DIS3L2: variants seen among roughly 807,000 people sequenced by gnomAD.
DIS3L2 encodes DIS3-like exonuclease 2.
In DIS3L2, 34 loss-of-function variants were observed where a neutral mutation model predicts 97.5. The observed-to-expected ratio is 0.35, with a 90% confidence interval of 0.27 to 0.46. The LOEUF (loss-of-function observed/expected upper bound fraction) is 0.46. Among genes scored for constraint, DIS3L2 ranks in the 20% least tolerant of loss-of-function variants. The probability of loss-of-function intolerance (pLI) is 1.00; values close to 1 mark genes in which losing one functional copy is unlikely to be tolerated. For missense variants in DIS3L2, 1,038 were observed against 1,146.0 expected (o/e 0.91, Z 1.36); for synonymous variants, 435 against 445.2 (o/e 0.98, Z 0.29).
intron 1 of DIS3L2, among the ~76,000 whole-genome samples, chr2:231,995,397 G>A (rs1261257851): frequency 6.6e-6 from 1 of 152,172 alleles, no homozygotes; most frequent in Non-Finnish European, 1.5e-5. Context: ...TGAATGTTCA[G>A]AGGAGACTTT....
chr2:231,996,604 T>C (rs1453964032), intron 1 of DIS3L2, among the ~76,000 whole-genome samples: 1 of 152,186 alleles, frequency 6.6e-6, no homozygotes, highest in African/African-American at 2.4e-5. Flanking sequence ...TAACCCAAAT[T>C]TAGTATTTTT....
chr2:232,006,472 G>C (rs1361292347), intron 1 of DIS3L2, among the ~76,000 whole-genome samples: 1 of 152,158 alleles, frequency 6.6e-6, no homozygotes, highest in Non-Finnish European at 1.5e-5. Context: ...TTGCTGCCCA[G>C]GGATGATAAT....
intron 1 of DIS3L2, among the ~76,000 whole-genome samples, chr2:231,973,321 T>C (rs1485981499): frequency 2.0e-5 from 3 of 152,088 alleles, no homozygotes; most frequent in Non-Finnish European, 2.9e-5. Context: ...TGTAGAAGCC[T>C]TGAAAGAAAG....
chr2:232,106,851 C>T (rs866152036), intron 6 of DIS3L2, among the ~76,000 whole-genome samples: 6 of 152,160 alleles, frequency 3.9e-5, no homozygotes, highest in East Asian at 3.8e-4. Context: ...ATCACGTAAT[C>T]GGAAGTAAAA....
chr2:232,310,358 G>A (rs1695090818), intron 14 of DIS3L2, among the ~76,000 whole-genome samples: 1 of 152,210 alleles, frequency 6.6e-6, no homozygotes, highest in Admixed American at 6.5e-5. Flanking sequence ...TCACAGTGCA[G>A]GTGTGAGCTC....
At chr2:232,056,178 C>A (rs912909328) in intron 5 of DIS3L2, among the ~76,000 whole-genome samples, 1 of 152,028 alleles carries the variant, frequency 6.6e-6, no homozygotes, top group African/African-American at 2.4e-5. Flanking sequence ...GGAGACCAGC[C>A]TGGCCAACAT....
chr2:231,986,081 G>T (rs1182491958), intron 1 of DIS3L2, among the ~76,000 whole-genome samples: 1 of 152,174 alleles, frequency 6.6e-6, no homozygotes, highest in Non-Finnish European at 1.5e-5. Context: ...GGGTTCTTCC[G>T]CCTTTGCACT....
intron 7 of DIS3L2, chr2:232,131,097 A>G (rs180674895): frequency 2.1e-4 from 38 of 181,996 alleles, no homozygotes; most frequent in African/African-American, 2.3e-4. Context: ...TTTTGCTCCA[A>G]TTTTTTTGTT....
chr2:232,323,979 C>T (rs1318325754), intron 14 of DIS3L2, among the ~76,000 whole-genome samples: 1 of 152,194 alleles, frequency 6.6e-6, no homozygotes, highest in African/African-American at 2.4e-5. Flanking sequence ...ATCTCTTCCA[C>T]TTTCCCTCCC....
intron 6 of DIS3L2, among the ~76,000 whole-genome samples, chr2:232,122,373 C>G (rs940135355): frequency 6.6e-6 from 1 of 152,102 alleles, no homozygotes; most frequent in Non-Finnish European, 1.5e-5. Context: ...TCCTGTATAC[C>G]AGTCCTGTCC....
intron 1 of DIS3L2, among the ~76,000 whole-genome samples, chr2:232,001,221 C>G (rs981239933): frequency 1.3e-5 from 2 of 152,044 alleles, no homozygotes; most frequent in African/African-American, 2.4e-5. Flanking sequence ...CACTTGTTAT[C>G]TTTTGTGTTT....
intron 13 of DIS3L2, among the ~76,000 whole-genome samples, chr2:232,277,187 G>A (rs1465719677): frequency 3.9e-5 from 6 of 152,206 alleles, no homozygotes; most frequent in Admixed American, 1.3e-4. Flanking sequence ...GATCAGCCTA[G>A]GCATGGTGGT....
At chr2:232,305,773 G>T (rs1694973197) in intron 14 of DIS3L2, among the ~76,000 whole-genome samples, 1 of 152,050 alleles carries the variant, frequency 6.6e-6, no homozygotes, top group African/African-American at 2.4e-5. Flanking sequence ...TGGCCAACAT[G>T]GTGAAACCCT....
At chr2:232,147,353 TCTC>T (rs1193626447) in intron 8 of DIS3L2, among the ~76,000 whole-genome samples, 14 of 152,154 alleles carry the variant, frequency 9.2e-5, no homozygotes, top group Admixed American at 2.6e-4. Flanking sequence ...CTGCCCCTTC[TCTC>T]CTCCTCCAAA....
At chr2:232,093,032 A>G (rs1428983649) in intron 6 of DIS3L2, among the ~76,000 whole-genome samples, 3 of 152,166 alleles carry the variant, frequency 2.0e-5, no homozygotes, top group Non-Finnish European at 4.4e-5. Flanking sequence ...GGTCTGTCCT[A>G]TGCAGCTTTT....
intron 1 of DIS3L2, among the ~76,000 whole-genome samples, chr2:231,964,528 A>G (rs1204987466): frequency 6.6e-6 from 1 of 152,222 alleles, no homozygotes. Flanking sequence ...AATGAGCTGT[A>G]CTAAGAAAAC....
chr2:232,087,622 G>T lies in DIS3L2; in HGVS notation c.502G>T (p.Ala168Ser), dbSNP rs1553606126. The T allele has an allele frequency of 2.5e-6, 4 of 1,614,134 alleles. No homozygotes were observed. In the South Asian group the frequency reaches 4.4e-5, roughly 18 times the overall value. Residue 168 changes from alanine (A) to serine (S), a missense_variant, in exon 6 of 21, where the codon GCT becomes TCT. By Grantham distance (99) the Ala-to-Ser change is moderately conservative. Coordinates refer to ENST00000325385, the MANE Select transcript of DIS3L2 (RefSeq NM_152383.5). ...YNDSPDVIVEAQFDGSDSEDG... is the reference protein window; with the variant it reads ...YNDSPDVIVESQFDGSDSEDG... Reference sequence around the variant, plus strand: ...TGACAGTCCTGATGTCATTGTAGAGGCTCAGTTTGATGGCAGCGACTCAGA... The same window carrying T: ...TGACAGTCCTGATGTCATTGTAGAGTCTCAGTTTGATGGCAGCGACTCAGA...
chr2:231,963,433 A>T (rs1379935051), intron 1 of DIS3L2, among the ~76,000 whole-genome samples: 1 of 152,140 alleles, frequency 6.6e-6, no homozygotes, highest in Non-Finnish European at 1.5e-5. Context: ...GCCATTTTTA[A>T]AAATGGGCTT....
intron 10 of DIS3L2, among the ~76,000 whole-genome samples, chr2:232,221,728 G>GA (rs1216833769): frequency 1.3e-5 from 2 of 152,018 alleles, no homozygotes; most frequent in African/African-American, 4.8e-5. Flanking sequence ...TTGAACCTGG[G>GA]AGGTGGAGGT....
Sources: allele counts gnomAD v4.1 joint callset (sites outside exome capture counted in the v4.1 genomes callset), GRCh38; gene constraint gnomAD v4.1.1; transcripts MANE v1.5; gene names NCBI Gene and HGNC (gene_info 2026-07-23, HGNC 2026-07-21).